Variants in NDP observed in about 807,000 individuals in gnomAD.
The protein encoded by NDP is norrin.
Under a neutral mutation model 8.4 loss-of-function variants are expected in NDP, and 2 were observed. That is an observed-to-expected ratio of 0.24 (90% CI 0.10 to 0.75). The LOEUF is 0.75. NDP is among the 30% of genes least tolerant of loss of function. NDP has a pLI of 0.73. For synonymous variants in NDP, 55 were observed against 45.6 expected, an observed-to-expected ratio of 1.21 and a Z score of -0.83; for missense variants, 81 against 110.1, an observed-to-expected ratio of 0.74 and a Z score of 1.18.
At chrX:43,969,970 C>A (rs1187600516) in intron 1 of NDP, among the ~76,000 whole-genome samples, 1 of 111,927 alleles carries the variant, frequency 8.9e-6, no homozygotes, top group Non-Finnish European at 1.9e-5. Flanking sequence ...GCCAGTCTAG[C>A]TGGATTCTTT....
intron 1 of NDP, among the ~76,000 whole-genome samples, chrX:43,959,716 G>A (rs1484616951): frequency 8.9e-6 from 1 of 111,847 alleles, no homozygotes; most frequent in Non-Finnish European, 1.9e-5. Flanking sequence ...CCCAGGCATA[G>A]CCAACACTGG....
intron 1 of NDP, among the ~76,000 whole-genome samples, chrX:43,972,919 A>T (rs1244601076): frequency 8.9e-6 from 1 of 112,727 alleles, no homozygotes; most frequent in Non-Finnish European, 1.9e-5. Context: ...TGTAAGTGGG[A>T]TGAGGGTGCT....
intron 2 of NDP, among the ~76,000 whole-genome samples, chrX:43,953,712 G>A (rs1239292912): frequency 9.7e-5 from 11 of 113,322 alleles, no homozygotes; most frequent in Non-Finnish European, 1.7e-4. Context: ...CCAGTAACTT[G>A]CCCAAACTCA....
chrX:43,965,905 A>G (rs1440707179), intron 1 of NDP, among the ~76,000 whole-genome samples: 2 of 111,527 alleles, frequency 1.8e-5, no homozygotes, highest in East Asian at 5.7e-4. Context: ...TTACGTCTAA[A>G]AGAGTTGACC....
chrX:43,957,146 T>C (rs1270794044), intron 2 of NDP, among the ~76,000 whole-genome samples: 2 of 112,182 alleles, frequency 1.8e-5, no homozygotes, highest in East Asian at 5.6e-4. Context: ...TAAATATTCA[T>C]GCTGTCTGTT....
intron 1 of NDP, among the ~76,000 whole-genome samples, chrX:43,970,337 G>A (rs906700534): frequency 1.8e-5 from 2 of 111,998 alleles, no homozygotes; most frequent in Non-Finnish European, 3.8e-5. Flanking sequence ...GGGCAAAGAA[G>A]CAGTCACTGG....
intron 2 of NDP, among the ~76,000 whole-genome samples, chrX:43,951,289 C>CG (rs2035759942): frequency 9.1e-6 from 1 of 109,436 alleles, no homozygotes; most frequent in East Asian, 2.9e-4. Flanking sequence ...GTGATGTGCA[C>CG]CTGTAGTCCC....
At chrX:43,958,366 A>C in intron 2 of NDP, 106 bp downstream of exon 2, 1 of 965,368 alleles carries the variant, frequency 1.0e-6, no homozygotes, top group East Asian at 3.1e-5. Flanking sequence ...CAGCCACATC[A>C]CTTAAGTTTG....
In NDP at chrX:43,949,625, A is replaced by C. The variant is rs1252354840; in HGVS notation, c.*174T>G. 4.2e-6 allele frequency: 2 copies of C among 478,339 alleles called. No homozygotes were observed. Among genetic ancestry groups the C allele is most frequent in the African/African-American group, 4.8e-5 (2 of 41,971 alleles). The allele number at this position is 478,339 out of a possible 1,213,427, so 39.4% of individuals were successfully genotyped here. A position where few individuals can be genotyped will look rare whatever the true frequency, so the allele number is the denominator to read the frequency against. On this transcript the variant is annotated 3_prime_UTR_variant, in exon 3 of 3. Transcript: ENST00000642620. ...AGATGGGAACTGCAAAGAAGTTCCCAGAGTATCTCTCTCTGTCAACAAGCA... is the reference window on the plus strand; with the variant it reads ...AGATGGGAACTGCAAAGAAGTTCCCCGAGTATCTCTCTCTGTCAACAAGCA...
intron 1 of NDP, among the ~76,000 whole-genome samples, chrX:43,965,016 G>A (rs2035849197): frequency 8.9e-6 from 1 of 112,428 alleles, no homozygotes; most frequent in Non-Finnish European, 1.9e-5. Context: ...TTTGCCCCTT[G>A]ATGAAGCTAT....
intron 2 of NDP, among the ~76,000 whole-genome samples, chrX:43,953,987 C>T (rs1326048444): frequency 5.3e-5 from 6 of 112,704 alleles, no homozygotes; most frequent in African/African-American, 1.9e-4. Context: ...TTCCAAGAGC[C>T]TTGACTGACC....
At chrX:43,954,730 C>G (rs763978225) in intron 2 of NDP, among the ~76,000 whole-genome samples, 82 of 111,070 alleles carry the variant, frequency 7.4e-4, no homozygotes, top group East Asian at 5.8e-4. Flanking sequence ...GGACTCAGCC[C>G]TTAGCATACC....
chrX:43,965,120 A>T lies in NDP; in HGVS notation c.-207-6268T>A, dbSNP rs58252253. ...TTTCTAAATTAATAATATCCTGTTAATCATAGGAAGTGGGCCAAGTGCAGC... is the reference window on the plus strand; with the variant it reads ...TTTCTAAATTAATAATATCCTGTTATTCATAGGAAGTGGGCCAAGTGCAGC... On this transcript the variant is annotated intron_variant, in intron 1 of 2. Transcript: ENST00000642620. Among the ~76,000 whole-genome samples, 2 of 111,970 alleles carry T rather than the reference A, an allele frequency of 1.8e-5. 1 individual carries two copies. Among genetic ancestry groups the T allele is most frequent in the South Asian group, 7.5e-4 (2 of 2,682 alleles).
chrX:43,965,727 T>G (rs2035854328), intron 1 of NDP, among the ~76,000 whole-genome samples: 1 of 111,797 alleles, frequency 8.9e-6, no homozygotes, highest in African/African-American at 3.3e-5. Flanking sequence ...GGACAATCTC[T>G]GATACTCTGG....
intron 1 of NDP, among the ~76,000 whole-genome samples, chrX:43,970,263 G>A (rs2035884355): frequency 8.9e-6 from 1 of 112,103 alleles, no homozygotes; most frequent in Admixed American, 9.4e-5. Context: ...GCACTTCACA[G>A]TCTGTCCACC....
chrX:43,949,664 T>C lies in NDP; in HGVS notation c.*135A>G. The C allele has an allele frequency of 1.7e-6, 1 of 581,537 alleles. No homozygotes were observed. Among genetic ancestry groups the C allele is most frequent in the Middle Eastern group, 3.4e-4 (1 of 2,978 alleles). 47.9% of individuals were successfully genotyped at this position (581,537 alleles called of 1,213,427 possible). A position where few individuals can be genotyped will look rare whatever the true frequency, so the allele number is the denominator to read the frequency against. ...TGTCAACAAGCATGTAGAGTCTTTA[T>C]TACTAGAATATGCAGAGTCCCGGGA... On this transcript the variant is annotated 3_prime_UTR_variant, in exon 3 of 3. Coordinates refer to ENST00000642620, the MANE Select transcript of NDP (RefSeq NM_000266.4).
chrX:43,963,620 C>T (rs1040507770), intron 1 of NDP, among the ~76,000 whole-genome samples: 3 of 111,680 alleles, frequency 2.7e-5, no homozygotes, highest in Non-Finnish European at 5.6e-5. Flanking sequence ...CTAGATAACC[C>T]TAGATAAAAC....
chrX:43,972,747 C>A (rs1225795657), intron 1 of NDP, among the ~76,000 whole-genome samples: 1 of 112,699 alleles, frequency 8.9e-6, no homozygotes, highest in Non-Finnish European at 1.9e-5. Flanking sequence ...TCCTGCAAAG[C>A]GTGACACAGA....
At chrX:43,957,652 G>C (rs1602066697) in intron 2 of NDP, among the ~76,000 whole-genome samples, 2 of 109,675 alleles carry the variant, frequency 1.8e-5, no homozygotes, top group East Asian at 5.7e-4. Flanking sequence ...AAAATTACTT[G>C]CCATACGAGA....
Sources: allele counts gnomAD v4.1 joint callset (sites outside exome capture counted in the v4.1 genomes callset), GRCh38; gene constraint gnomAD v4.1.1; transcripts MANE v1.5; gene names NCBI Gene and HGNC (gene_info 2026-07-23, HGNC 2026-07-21).